Variants in STXBP5 observed in about 807,000 individuals in gnomAD.
STXBP5 encodes the protein syntaxin binding protein 5, also known as syntaxin-binding protein 5.
Under a neutral mutation model 152.4 loss-of-function variants are expected in STXBP5, and 50 were observed. The observed-to-expected ratio is 0.33, with a 90% CI of 0.26 to 0.42. The LOEUF is 0.42. Ranked by LOEUF, STXBP5 falls within the 10% of genes least tolerant of loss-of-function variation. The pLI, the probability that STXBP5 is intolerant of heterozygous loss-of-function variation, is 1.00. For synonymous variants in STXBP5, 492 were observed against 494.7 expected (o/e 0.99, Z 0.07); for missense variants, 1,167 against 1,388.6 (o/e 0.84, Z 2.54).
intron 4 of STXBP5, among the ~76,000 whole-genome samples, chr6:147,239,733 G>C (rs1051271699): frequency 5.3e-5 from 8 of 151,996 alleles, no homozygotes; most frequent in Non-Finnish European, 1.5e-5. Flanking sequence ...ATCATTTTCA[G>C]TCTGCTGTTC....
chr6:147,270,010 A>G (rs754638330), intron 7 of STXBP5, among the ~76,000 whole-genome samples: 1 of 152,200 alleles, frequency 6.6e-6, no homozygotes. Flanking sequence ...TAAAAGCACA[A>G]TCTTCAATTC....
At chr6:147,327,914 T>C (rs894037490) in intron 18 of STXBP5, among the ~76,000 whole-genome samples, 13 of 152,058 alleles carry the variant, frequency 8.5e-5, no homozygotes, top group South Asian at 6.4e-4. Context: ...GACCAGTGAT[T>C]TATTGTTTAA....
At position 147,314,601 on chromosome 6, in the gene STXBP5, C is replaced by T; in HGVS notation, c.1367C>T (p.Ala456Val). 6.2e-7 allele frequency: 1 copy of T among 1,609,288 alleles called. No individual in the cohort carries two copies. Among genetic ancestry groups the T allele is most frequent in the Non-Finnish European group, 8.5e-7 (1 of 1,178,214 alleles). Residue 456 changes from alanine to valine, a missense_variant, in exon 14 of 28, where the codon GCT becomes GTT. By Grantham distance (64) the Ala-to-Val change is moderately conservative. Transcript: ENST00000321680. ...SYPEIIITGH[A>V]DGSVKFWDAS... is the part of the protein sequence containing the mutation. ...CTTAACATTGCTTTTCTTAGGCATG[C>T]TGATGGGTCAGTTAAGTTCTGGGAT...
chr6:147,340,782 A>G (rs1784054408), intron 21 of STXBP5, among the ~76,000 whole-genome samples: 1 of 152,250 alleles, frequency 6.6e-6, no homozygotes, highest in Admixed American at 6.5e-5. Context: ...TTTAAATAGA[A>G]TATGTAACAT....
At chr6:147,374,374 T>G (rs928219917) in intron 26 of STXBP5, among the ~76,000 whole-genome samples, 1 of 151,846 alleles carries the variant, frequency 6.6e-6, no homozygotes, top group Non-Finnish European at 1.5e-5. Flanking sequence ...ATCCTTTGAT[T>G]TTTTTTTTCT....
At chr6:147,284,304 C>A (rs77910619) in intron 8 of STXBP5, among the ~76,000 whole-genome samples, 5 of 152,186 alleles carry the variant, frequency 3.3e-5, no homozygotes, top group Admixed American at 3.3e-4. Context: ...TGTTCCTCAT[C>A]CTAACTGGCA....
At chr6:147,272,057 C>T (rs1780198286) in intron 7 of STXBP5, among the ~76,000 whole-genome samples, 1 of 152,040 alleles carries the variant, frequency 6.6e-6, no homozygotes, top group Admixed American at 6.6e-5. Context: ...CTTGGAAGTA[C>T]CGACGCTCAC....
chr6:147,364,668 A>T (rs1282869009), intron 25 of STXBP5, among the ~76,000 whole-genome samples: 1 of 152,154 alleles, frequency 6.6e-6, no homozygotes, highest in African/African-American at 2.4e-5. Context: ...TATATACAGA[A>T]ATGTGTCCTT....
At chr6:147,315,343 A>C (rs1782589181) in intron 14 of STXBP5, among the ~76,000 whole-genome samples, 172 bp from the exon 15 acceptor site, 1 of 152,190 alleles carries the variant, frequency 6.6e-6, no homozygotes, top group African/African-American at 2.4e-5. Flanking sequence ...TTGGTCAATG[A>C]GAACAAAGAA....
intron 16 of STXBP5, among the ~76,000 whole-genome samples, chr6:147,322,589 G>A (rs1458208710): frequency 6.6e-6 from 1 of 152,162 alleles, no homozygotes; most frequent in African/African-American, 2.4e-5. Flanking sequence ...ATTCAACATC[G>A]AGTAGTCTTC....
intron 22 of STXBP5, among the ~76,000 whole-genome samples, chr6:147,358,577 T>A (rs1320330575): frequency 6.6e-6 from 1 of 152,026 alleles, no homozygotes; most frequent in African/African-American, 2.4e-5. Flanking sequence ...GCAACTCCTC[T>A]GCATATAATT....
intron 21 of STXBP5, among the ~76,000 whole-genome samples, chr6:147,352,192 G>A (rs2128406933): frequency 6.6e-6 from 1 of 152,300 alleles, no homozygotes; most frequent in Admixed American, 6.5e-5. Context: ...CGTAGTTTTA[G>A]ATTATGCATG....
chr6:147,304,872 T>C (rs1319922621), intron 9 of STXBP5, among the ~76,000 whole-genome samples: 1 of 152,072 alleles, frequency 6.6e-6, no homozygotes, highest in Non-Finnish European at 1.5e-5. Context: ...TTTCTCCCAT[T>C]TGGAATGGGA....
chr6:147,250,320 G>A (rs1779018773), intron 4 of STXBP5, among the ~76,000 whole-genome samples: 1 of 152,098 alleles, frequency 6.6e-6, no homozygotes, highest in Admixed American at 6.5e-5. Flanking sequence ...CAATTTCAAT[G>A]GGAATTTCTA....
chr6:147,301,078 A>C (rs1781789525), intron 9 of STXBP5, among the ~76,000 whole-genome samples: 1 of 152,114 alleles, frequency 6.6e-6, no homozygotes, highest in Non-Finnish European at 1.5e-5. Flanking sequence ...CATCAGGGAA[A>C]TACAAATAAT....
intron 2 of STXBP5, among the ~76,000 whole-genome samples, chr6:147,234,194 A>G (rs1190071684): frequency 1.3e-5 from 2 of 151,814 alleles, no homozygotes; most frequent in Admixed American, 1.3e-4. Flanking sequence ...ATTAAATCCC[A>G]CCAAATTTTA....
intron 19 of STXBP5, among the ~76,000 whole-genome samples, chr6:147,337,913 A>G (rs568495320): frequency 6.6e-6 from 1 of 152,092 alleles, no homozygotes; most frequent in Non-Finnish European, 1.5e-5. Context: ...GGTTCTGCCA[A>G]TGCTGGCAGG....
intron 3 of STXBP5, among the ~76,000 whole-genome samples, chr6:147,236,933 C>G (rs1211511148): frequency 6.6e-6 from 1 of 151,990 alleles, no homozygotes; most frequent in Non-Finnish European, 1.5e-5. Flanking sequence ...TGCTTGCCAC[C>G]ACACCGGCCA....
intron 2 of STXBP5, among the ~76,000 whole-genome samples, chr6:147,231,649 T>C (rs1280791518): frequency 6.6e-6 from 1 of 151,914 alleles, no homozygotes; most frequent in African/African-American, 2.4e-5. Context: ...AATATTAGAA[T>C]AGTAAGTGAA....
Sources: gnomAD v4.1 joint callset for allele counts (sites outside exome capture counted in the v4.1 genomes callset) on GRCh38, gnomAD v4.1.1 for gene constraint, MANE v1.5 for transcripts, NCBI Gene and HGNC (gene_info 2026-07-23, HGNC 2026-07-21) for gene names.